The following IFT88 variants were observed in gnomAD, a reference collection of about 807,000 sequenced individuals.
IFT88 encodes intraflagellar transport 88.
IFT88 carries 74 observed loss-of-function variants against 119.5 expected under a neutral mutation model. That is an observed-to-expected ratio of 0.62 (90% CI 0.51 to 0.75). The LOEUF (loss-of-function observed/expected upper bound fraction) is 0.75, where lower values mean the gene tolerates loss of function less well. Among genes scored for constraint, IFT88 ranks in the 30% least tolerant of loss-of-function variants. IFT88 has a pLI of 0.00. For missense variants in IFT88, 961 were observed against 977.7 expected (o/e 0.98, Z 0.23); for synonymous variants, 279 against 316.7 (o/e 0.88, Z 1.26).
At chr13:20,636,240 A>T (rs2049007811) in intron 16 of IFT88, among the ~76,000 whole-genome samples, 1 of 152,160 alleles carries the variant, frequency 6.6e-6, no homozygotes, top group Non-Finnish European at 1.5e-5. Flanking sequence ...GCTAGGTATG[A>T]CCTTAAATCT....
At chr13:20,676,251 C>T (rs912666279) in intron 24 of IFT88, among the ~76,000 whole-genome samples, 2 of 152,208 alleles carry the variant, frequency 1.3e-5, no homozygotes, top group Non-Finnish European at 2.9e-5. Context: ...CTGAACTCAT[C>T]ACATCTTATG....
In IFT88 at chr13:20,661,473, C is replaced by T. The variant is rs887027860; in HGVS notation, c.2069-2025C>T. Among the ~76,000 whole-genome samples the T allele has an allele frequency of 3.9e-5, 6 of 152,178 alleles. No individual in the cohort carries two copies. In the East Asian group the frequency reaches 5.8e-4, roughly 15 times the overall value. ...AAATGCGGCTGGGTGCGGTGGCACA[C>T]GCCTGTAATCCCAGCACTTTGGGAG... On this transcript the variant is annotated intron_variant, in intron 22 of 25. Transcript: ENST00000351808.
intron 2 of IFT88, among the ~76,000 whole-genome samples, chr13:20,581,342 G>C (rs778513591): frequency 2.0e-5 from 3 of 152,158 alleles, no homozygotes; most frequent in Non-Finnish European, 4.4e-5. Context: ...TTTGTTGACT[G>C]TCCTTTTTAG....
intron 3 of IFT88, among the ~76,000 whole-genome samples, chr13:20,584,107 G>A (rs2039205663): frequency 6.6e-6 from 1 of 151,630 alleles, no homozygotes; most frequent in African/African-American, 2.4e-5. Flanking sequence ...TTAGCTACTT[G>A]GGGTCCCTTG....
chr13:20,587,913 T>C (rs1223952508), intron 3 of IFT88, among the ~76,000 whole-genome samples: 2 of 152,014 alleles, frequency 1.3e-5, no homozygotes, highest in Non-Finnish European at 2.9e-5. Context: ...AGTCTAACAA[T>C]CTTATTATTT....
chr13:20,576,086 G>A (rs902242809), intron 2 of IFT88, among the ~76,000 whole-genome samples: 3 of 152,144 alleles, frequency 2.0e-5, no homozygotes, highest in East Asian at 1.9e-4. Context: ...ATGACATCTC[G>A]TTGTAGTTTT....
At chr13:20,590,689 ACT>A (rs2040515818) in intron 4 of IFT88, among the ~76,000 whole-genome samples, 1 of 152,100 alleles carries the variant, frequency 6.6e-6, no homozygotes, top group South Asian at 2.1e-4. Flanking sequence ...CTACTATCCA[ACT>A]CTGCATTTGT....
At chr13:20,592,184 G>T in intron 6 of IFT88, 151 bp from the exon 7 acceptor site, 2 of 644,262 alleles carry the variant, frequency 3.1e-6, no homozygotes, top group South Asian at 1.9e-5. Flanking sequence ...TGTTTATGTA[G>T]ACACAATGTT....
Position 20,641,279 on chromosome 13 carries a change from C to A in IFT88, c.1574-11C>A. ...ACTTATAGATTTTCTTTTTTTTCTTCTTTTTTTAAGGCCTTACCTATGAGA... is the reference window on the plus strand; with the variant it reads ...ACTTATAGATTTTCTTTTTTTTCTTATTTTTTTAAGGCCTTACCTATGAGA... On this transcript the variant is annotated splice_polypyrimidine_tract_variant and intron_variant, in intron 17 of 25. Coordinates refer to ENST00000351808, the MANE Select transcript of IFT88 (RefSeq NM_006531.5). 1 of 1,514,640 alleles carries A rather than the reference C, an allele frequency of 6.6e-7. No individual in the cohort carries two copies. The highest frequency in any genetic ancestry group is 9.0e-7 in the Non-Finnish European group (1 of 1,109,306). 93.8% of individuals were successfully genotyped at this position (1,514,640 alleles called of 1,614,324 possible).
At chr13:20,580,572 G>T (rs1343003949) in intron 2 of IFT88, among the ~76,000 whole-genome samples, 1 of 151,938 alleles carries the variant, frequency 6.6e-6, no homozygotes, top group Non-Finnish European at 1.5e-5. Context: ...TCTCATGATA[G>T]GATATTTTTT....
intron 20 of IFT88, among the ~76,000 whole-genome samples, chr13:20,648,582 A>G (rs2051101105): frequency 6.6e-6 from 1 of 152,170 alleles, no homozygotes; most frequent in South Asian, 2.1e-4. Context: ...AATCAACAAA[A>G]TACCAAAAAA....
chr13:20,609,705 C>T (rs1468471829), intron 13 of IFT88, among the ~76,000 whole-genome samples: 1 of 152,134 alleles, frequency 6.6e-6, no homozygotes, highest in Non-Finnish European at 1.5e-5. Context: ...GATCATGCCA[C>T]TACACTTCAG....
chr13:20,567,474 G>C (rs773496117), intron 1 of IFT88, among the ~76,000 whole-genome samples: 2 of 152,258 alleles, frequency 1.3e-5, no homozygotes, highest in Non-Finnish European at 2.9e-5. Flanking sequence ...CGCGGGCGTT[G>C]TTTCTCACAT....
intron 1 of IFT88, among the ~76,000 whole-genome samples, chr13:20,573,775 A>G (rs1323869351): frequency 2.6e-5 from 4 of 152,072 alleles, no homozygotes; most frequent in Non-Finnish European, 4.4e-5. Context: ...TTGCATTTTA[A>G]TTGACTGTTG....
rs570667721 is a variant in IFT88 at position 20,611,712 on chromosome 13, C to T, written c.1113-4081C>T. Reference sequence around the variant, plus strand: ...CTCCGCCTCCTGGGTTCGAGCGATTCCCCTGCCTCAGCCTCCTGAGTAGCT... The same window carrying T: ...CTCCGCCTCCTGGGTTCGAGCGATTTCCCTGCCTCAGCCTCCTGAGTAGCT... On this transcript the variant is annotated intron_variant, in intron 13 of 25. Coordinates refer to ENST00000351808, the MANE Select transcript of IFT88 (RefSeq NM_006531.5). 3.9e-5 allele frequency among the ~76,000 whole-genome samples: 6 copies of T among 152,080 alleles called. No homozygotes were observed. In the South Asian group the frequency reaches 1.2e-3, roughly 32 times the overall value.
At chr13:20,619,221 G>A (rs1181281222) in intron 14 of IFT88, among the ~76,000 whole-genome samples, 1 of 152,052 alleles carries the variant, frequency 6.6e-6, no homozygotes, top group Non-Finnish European at 1.5e-5. Flanking sequence ...TCAGCTCAAC[G>A]ATACATCACA....
Position 20,599,455 on chromosome 13 carries a change from A to T in IFT88, c.702A>T (p.Ile234=). ...VKNKMFSNAG[I]LKMNMGNIYL... The stretch of plus-strand genomic sequence containing the variant: ...CATTAAATTTTTTTAAATTAGGAAT[A>T]TTGAAAATGAATATGGGAAATATCT... The change falls in exon 11 of 26, where the codon ATA becomes ATT. Residue 234 remains isoleucine (I), a synonymous_variant. Coordinates refer to ENST00000351808, the MANE Select transcript of IFT88 (RefSeq NM_006531.5). The T allele has an allele frequency of 8.5e-7, 1 of 1,177,638 alleles. No individual in the cohort carries two copies. The highest frequency in any genetic ancestry group is 1.2e-6 in the Non-Finnish European group (1 of 811,158). The allele number at this position is 1,177,638 out of a possible 1,614,324, so 72.9% of individuals were successfully genotyped here. A position where few individuals can be genotyped will look rare whatever the true frequency, so the allele number is the denominator to read the frequency against.
intron 15 of IFT88, among the ~76,000 whole-genome samples, chr13:20,629,319 A>G (rs952199970): frequency 6.6e-6 from 1 of 152,230 alleles, no homozygotes; most frequent in African/African-American, 2.4e-5. Flanking sequence ...GGTAGTTTCT[A>G]TAGGATAAGC....
chr13:20,645,756 G>T (rs993733272), intron 20 of IFT88, among the ~76,000 whole-genome samples: 1 of 152,060 alleles, frequency 6.6e-6, no homozygotes, highest in Non-Finnish European at 1.5e-5. Flanking sequence ...CTTCTGCTTT[G>T]TATTTGGCCA....
Sources: gnomAD v4.1 joint callset for allele counts (sites outside exome capture counted in the v4.1 genomes callset) on GRCh38, gnomAD v4.1.1 for gene constraint, MANE v1.5 for transcripts, NCBI Gene and HGNC (gene_info 2026-07-23, HGNC 2026-07-21) for gene names.